The following POM121 variants were observed in gnomAD, a reference collection of about 807,000 sequenced individuals.
The protein encoded by POM121 is nuclear envelope pore membrane protein POM 121.
Under a neutral mutation model 81.3 loss-of-function variants are expected in POM121, and 32 were observed. The ratio of observed to expected loss-of-function variants is 0.39; its 90% CI spans 0.30 to 0.53. The LOEUF (loss-of-function observed/expected upper bound fraction) is 0.53, where lower values mean the gene tolerates loss of function less well. POM121 is among the 20% of genes least tolerant of loss of function. The probability of loss-of-function intolerance (pLI) is 0.66; values close to 1 mark genes in which losing one functional copy is unlikely to be tolerated. For missense variants in POM121, 1,138 were observed against 1,614.6 expected, an observed-to-expected ratio of 0.70 and a Z score of 5.06; for synonymous variants, 514 against 694.2, an observed-to-expected ratio of 0.74 and a Z score of 4.08.
At chr7:72,939,247 C>A (rs568946099) in intron 6 of POM121, 89 bp from the exon 7 acceptor site, 5 of 1,520,610 alleles carry the variant, frequency 3.3e-6, no homozygotes, top group Non-Finnish European at 2.7e-6. Context: ...TAGACATTGG[C>A]CACTTGGTAG....
downstream of POM121, chr7:72,950,092 A>G (rs1554504501): frequency 3.8e-6 from 6 of 1,585,882 alleles, no homozygotes; most frequent in South Asian, 1.1e-5. Context: ...GGCCCGGTAC[A>G]GTGGGTGTTC....
chr7:72,933,017 A>C (rs1586164100), intron 5 of POM121, among the ~76,000 whole-genome samples: 1 of 146,770 alleles, frequency 6.8e-6, no homozygotes, highest in African/African-American at 2.5e-5. Flanking sequence ...GCGCCACTCC[A>C]CTCCAGCCTG....
rs201332972 is a variant in POM121, at chr7:72,926,837, C to T, written c.896C>T (p.Pro299Leu). 5.0e-6 allele frequency: 8 copies of T among 1,613,990 alleles called. No individual in the cohort carries two copies. The highest frequency in any genetic ancestry group is 5.9e-6 in the Non-Finnish European group (7 of 1,179,872). The part of the protein sequence containing the change: ...EQIISSTLSS[P>L]SSNAPDPCAK... ...ATAATCAGCTCAACACTGTCCTCAC[C>T]ATCAAGTAACGCCCCAGACCCATGT... is the stretch of plus-strand genomic sequence containing the variant. The change falls in exon 3 of 13, where the codon CCA (proline) becomes CTA (leucine). Residue 299 changes from proline to leucine, a missense_variant. Physicochemically the swap from Pro to Leu is moderately conservative, Grantham distance 98. Transcript: ENST00000434423.
chr7:72,931,110 A>G (rs1401615730), intron 5 of POM121, among the ~76,000 whole-genome samples: 1 of 152,180 alleles, frequency 6.6e-6, no homozygotes, highest in Non-Finnish European at 1.5e-5. Flanking sequence ...ATAAATGAAC[A>G]TTAATGACCG....
At chr7:72,880,100 C>T (rs1789985727) in intron 1 of POM121, among the ~76,000 whole-genome samples, 1 of 152,312 alleles carries the variant, frequency 6.6e-6, no homozygotes, top group South Asian at 2.1e-4. Flanking sequence ...TGTCACCACC[C>T]TCAGCTGCGG....
intron 3 of POM121, among the ~76,000 whole-genome samples, chr7:72,911,354 C>T (rs1380327095): frequency 6.6e-6 from 1 of 152,236 alleles, no homozygotes; most frequent in African/African-American, 2.4e-5. Flanking sequence ...CTTATTCCAT[C>T]TCCTATGGAA....
At chr7:72,933,893 T>C (rs1796260386) in intron 5 of POM121, among the ~76,000 whole-genome samples, 2 of 152,148 alleles carry the variant, frequency 1.3e-5, no homozygotes, top group African/African-American at 4.8e-5. Flanking sequence ...ATAAGGCAAC[T>C]GAAGAAGTAC....
chr7:72,934,246 G>A (rs1436093581), intron 5 of POM121, among the ~76,000 whole-genome samples: 4 of 151,218 alleles, frequency 2.6e-5, no homozygotes, highest in Admixed American at 1.3e-4. Flanking sequence ...CACCATGCCC[G>A]GCTAATTTTT....
chr7:72,897,877 G>A (rs1792125336), intron 3 of POM121, among the ~76,000 whole-genome samples: 1 of 152,162 alleles, frequency 6.6e-6, no homozygotes, highest in African/African-American at 2.4e-5. Context: ...AAATTAGCTG[G>A]GTTTGGTGGT....
At chr7:72,926,671 G>A (rs1266435240) in intron 2 of POM121, 131 bp from the exon 3 acceptor site, 7 of 1,482,946 alleles carry the variant, frequency 4.7e-6, no homozygotes, top group Non-Finnish European at 6.4e-6. Context: ...ACTTGCTAAC[G>A]GGAACTGCTG....
chr7:72,882,211 C>T (rs1323298121), intron 1 of POM121, among the ~76,000 whole-genome samples: 1 of 152,056 alleles, frequency 6.6e-6, no homozygotes, highest in Non-Finnish European at 1.5e-5. Flanking sequence ...CGTCTGCAGG[C>T]TCTATCATAG....
In POM121 at chr7:72,946,342, G is replaced by A. The variant is rs539993539; in HGVS notation, c.*108G>A. ...CAGTTGCGTAAAGCAAACCTACCCCGGATCTCTGGCTTCAGCCGCCAGGGG... is the reference window on the plus strand; with the variant it reads ...CAGTTGCGTAAAGCAAACCTACCCCAGATCTCTGGCTTCAGCCGCCAGGGG... On this transcript the variant is annotated 3_prime_UTR_variant, in exon 13 of 13. Coordinates refer to ENST00000434423, the MANE Select transcript of POM121 (RefSeq NM_001387691.1). 4.1e-5 allele frequency: 60 copies of A among 1,464,024 alleles called. No homozygotes were observed. Among genetic ancestry groups the A allele is most frequent in the African/African-American group, 3.3e-4 (23 of 69,844 alleles). The allele number at this position is 1,464,024 out of a possible 1,614,324, so 90.7% of individuals were successfully genotyped here.
At chr7:72,949,741 T>G, downstream of POM121, 1 of 795,318 alleles carries the variant, frequency 1.3e-6, no homozygotes, top group Non-Finnish European at 2.2e-6. Context: ...ACTACTTTGG[T>G]GCAGCAGGAA....
At chr7:72,914,287 C>T (rs1554494775) in intron 4 of POM121, among the ~76,000 whole-genome samples, 1 of 152,202 alleles carries the variant, frequency 6.6e-6, no homozygotes, top group Admixed American at 6.5e-5. Flanking sequence ...CCAGCCCCCT[C>T]CCACTGATCA....
downstream of POM121, chr7:72,950,287 A>C: frequency 9.2e-7 from 1 of 1,087,308 alleles, no homozygotes; most frequent in South Asian, 1.6e-5. Flanking sequence ...AAATGTTACC[A>C]CAGCTATGGA....
At chr7:72,887,411 C>G (rs1460821013) in intron 1 of POM121, among the ~76,000 whole-genome samples, 4 of 152,114 alleles carry the variant, frequency 2.6e-5, no homozygotes, top group Admixed American at 2.6e-4. Flanking sequence ...ACATCTGCCT[C>G]GGTTCTTCTT....
rs533479712 is a variant in POM121 at position 72,925,331 on chromosome 7, C to G, written c.210C>G (p.Ser70Arg). ...VGATAAWWGL[S>R]REPRGSRPLS... ...CTACCGCGGCCTGGTGGGGACTGAG[C>G]CGCGAGCCCCGAGGTTCGCGCCCCT... Residue 70 changes from serine (S) to arginine (R), a missense_variant, in exon 1 of 13, where the codon AGC becomes AGG. Physicochemically the swap from Ser to Arg is moderately radical, Grantham distance 110 (BLOSUM62 -1). Around this residue, in one of 7 missense-constraint regions of POM121, gnomAD observed 646 missense variants for 633.5 expected, o/e 1.02. Coordinates refer to ENST00000434423, the MANE Select transcript of POM121 (RefSeq NM_001387691.1). 1.6e-3 allele frequency: 2,383 copies of G among 1,534,340 alleles called. 4 individuals carry two copies. The highest frequency in any genetic ancestry group is 1.9e-3 in the Non-Finnish European group (2,201 of 1,146,620).
chr7:72,888,034 T>TA (rs1790908420), intron 1 of POM121, among the ~76,000 whole-genome samples: 1 of 152,158 alleles, frequency 6.6e-6, no homozygotes, highest in Non-Finnish European at 1.5e-5. Context: ...AATATATATA[T>TA]TTTTTTCTTT....
intron 1 of POM121, among the ~76,000 whole-genome samples, chr7:72,881,384 T>A (rs1471772691): frequency 1.3e-5 from 2 of 149,560 alleles, no homozygotes; most frequent in African/African-American, 4.9e-5. Context: ...GGTTGAGTGT[T>A]CACAGGGTGT....
Sources: allele counts gnomAD v4.1 joint callset (sites outside exome capture counted in the v4.1 genomes callset), GRCh38; gene constraint gnomAD v4.1.1; regional missense constraint gnomAD v4.1.1; transcripts MANE v1.5; gene names NCBI Gene and HGNC (gene_info 2026-07-23, HGNC 2026-07-21).